The following POLDIP3 variants were observed in gnomAD, a reference collection of about 807,000 sequenced individuals.
POLDIP3 encodes DNA polymerase delta interacting protein 3.
POLDIP3 carries 14 observed loss-of-function variants against 45.1 expected under a neutral mutation model. The observed-to-expected ratio is 0.31, with a 90% CI of 0.20 to 0.49. The LOEUF (loss-of-function observed/expected upper bound fraction) is 0.49. Ranked by LOEUF, POLDIP3 falls within the 20% of genes least tolerant of loss-of-function variation. The pLI is 0.99. For missense variants in POLDIP3, 511 were observed against 538.8 expected (o/e 0.95, Z 0.51); for synonymous variants, 223 against 205.2 (o/e 1.09, Z -0.74).
intron 1 of POLDIP3, among the ~76,000 whole-genome samples, chr22:42,606,792 G>A (rs544123110): frequency 6.6e-6 from 1 of 152,206 alleles, no homozygotes; most frequent in African/African-American, 2.4e-5. Context: ...CCGTGAATCA[G>A]GTTATTGTTC....
chr22:42,599,086 A>C lies in POLDIP3; in HGVS notation c.633+612T>G, dbSNP rs574528921. ...TACGAAGCATGCAGAATGGCCAGCC[A>C]CCAAGGAAAGAACACAGACTCCCCA... is the stretch of plus-strand genomic sequence containing the variant. On this transcript the variant is annotated intron_variant, in intron 4 of 8. Coordinates refer to ENST00000252115, the MANE Select transcript of POLDIP3 (RefSeq NM_032311.5). Among the ~76,000 whole-genome samples the C allele has an allele frequency of 8.5e-5, 13 of 152,338 alleles. 1 individual carries two copies. In the South Asian group the frequency reaches 2.5e-3, roughly 29 times the overall value.
chr22:42,592,347 T>C (rs1925719430), intron 6 of POLDIP3, among the ~76,000 whole-genome samples: 2 of 152,234 alleles, frequency 1.3e-5, no homozygotes, highest in Non-Finnish European at 2.9e-5. Context: ...ACCACCAAAG[T>C]CTTCAGTGCC....
In POLDIP3 at chr22:42,595,599, A is replaced by G. The variant is rs765876214; in HGVS notation, c.829T>C (p.Leu277=). 15 of 1,613,812 alleles carry G rather than the reference A, an allele frequency of 9.3e-6. No individual in the cohort carries two copies. The highest frequency in any genetic ancestry group is 2.7e-5 in the African/African-American group (2 of 74,920). Residue 277 remains leucine (L), a synonymous_variant, in exon 6 of 9, where the codon TTG becomes CTG. Transcript: ENST00000252115. ...LPAAEPVLSP[L]EGTKMTVNNL... is the part of the protein sequence containing the mutation. ...TTCACAGTCATCTTGGTGCCTTCCAATGGGCTGAGAACAGGCTGCCACACA... is the reference window on the plus strand; with the variant it reads ...TTCACAGTCATCTTGGTGCCTTCCAGTGGGCTGAGAACAGGCTGCCACACA...
At chr22:42,596,743 G>C (rs1157572725) in intron 4 of POLDIP3, among the ~76,000 whole-genome samples, 1 of 152,064 alleles carries the variant, frequency 6.6e-6, no homozygotes, top group Non-Finnish European at 1.5e-5. Flanking sequence ...GCTTGGCCAG[G>C]CATAGTGGAT....
intron 1 of POLDIP3, among the ~76,000 whole-genome samples, chr22:42,613,664 G>A (rs1173796926): frequency 6.6e-6 from 1 of 152,168 alleles, no homozygotes; most frequent in Non-Finnish European, 1.5e-5. Context: ...GGGAGGCTGA[G>A]GCAGGAGAAT....
At chr22:42,612,559 T>C (rs1388188881) in intron 1 of POLDIP3, among the ~76,000 whole-genome samples, 3 of 152,228 alleles carry the variant, frequency 2.0e-5, no homozygotes, top group South Asian at 2.1e-4. Context: ...CCCGGCGCAG[T>C]GTCTCATGCT....
In POLDIP3 at chr22:42,587,614, C is replaced by T. The variant is rs200986145; in HGVS notation, c.1022-42G>A. 273 of 1,557,452 alleles carry T rather than the reference C, an allele frequency of 1.8e-4. 1 individual carries two copies. The highest frequency in any genetic ancestry group is 1.9e-4 in the Non-Finnish European group (209 of 1,128,668). On this transcript the variant is annotated intron_variant, in intron 7 of 8. Coordinates refer to ENST00000252115, the MANE Select transcript of POLDIP3 (RefSeq NM_032311.5). The stretch of plus-strand genomic sequence containing the variant: ...AGAAAAAGGCTCTGCTATGAGACCT[C>T]GGCTCCTCACACAAGAGGACAAGGG...
intron 1 of POLDIP3, among the ~76,000 whole-genome samples, chr22:42,610,855 G>A (rs1927077294): frequency 1.3e-5 from 2 of 152,176 alleles, no homozygotes; most frequent in African/African-American, 4.8e-5. Context: ...GGAGTGAGCT[G>A]TGATCTTGCC....
intron 4 of POLDIP3, among the ~76,000 whole-genome samples, 158 bp downstream of exon 4, chr22:42,599,540 G>A (rs572636252): frequency 9.9e-5 from 15 of 152,198 alleles, no homozygotes; most frequent in Non-Finnish European, 1.6e-4. Flanking sequence ...GGAGACGGAG[G>A]TTGCAGTGAG....
At chr22:42,602,256 G>A (rs1376129806) in intron 2 of POLDIP3, 200 bp from the exon 3 acceptor site, 5 of 816,796 alleles carry the variant, frequency 6.1e-6, no homozygotes, top group Non-Finnish European at 9.3e-6. Context: ...GCACATGTAG[G>A]GCTTAATGGA....
chr22:42,596,420 A>C, intron 4 of POLDIP3, 55 bp from the exon 5 acceptor site: 2 of 1,538,594 alleles, frequency 1.3e-6, no homozygotes, highest in Non-Finnish European at 1.8e-6. Flanking sequence ...TGTTCTGAAG[A>C]AGCCCCAAGA....
chr22:42,607,258 C>CGCA (rs1323269189), intron 1 of POLDIP3, among the ~76,000 whole-genome samples: 2 of 152,230 alleles, frequency 1.3e-5, no homozygotes, highest in Non-Finnish European at 2.9e-5. Context: ...ATTGCAGGCG[C>CGCA]GCACCGCCAT....
intron 1 of POLDIP3, among the ~76,000 whole-genome samples, chr22:42,612,549 C>G (rs2146841135): frequency 6.6e-6 from 1 of 152,320 alleles, no homozygotes; most frequent in Admixed American, 6.5e-5. Context: ...TACCTTCTGG[C>G]CCGGCGCAGT....
intron 3 of POLDIP3, among the ~76,000 whole-genome samples, chr22:42,600,076 T>C (rs530565162): frequency 6.6e-6 from 1 of 152,300 alleles, no homozygotes; most frequent in African/African-American, 2.4e-5. Context: ...TTTCTTTATA[T>C]CCTTTGGCTT....
intron 7 of POLDIP3, among the ~76,000 whole-genome samples, chr22:42,588,869 G>C (rs997455293): frequency 1.3e-5 from 2 of 152,090 alleles, no homozygotes; most frequent in African/African-American, 4.8e-5. Flanking sequence ...CAGGTGATCC[G>C]CCTGGCGGAT....
At chr22:42,608,449 A>C (rs578201992) in intron 1 of POLDIP3, among the ~76,000 whole-genome samples, 15 of 152,112 alleles carry the variant, frequency 9.9e-5, no homozygotes, top group East Asian at 7.7e-4. Context: ...CAAAACAAAA[A>C]AAAACCACCA....
intron 7 of POLDIP3, among the ~76,000 whole-genome samples, chr22:42,591,098 A>T (rs918236797): frequency 1.2e-3 from 189 of 151,368 alleles, no homozygotes; most frequent in African/African-American, 4.4e-3. Context: ...AAAATAATAA[A>T]AAATAAAAAT....
chr22:42,589,505 C>T (rs1380996155), intron 7 of POLDIP3, among the ~76,000 whole-genome samples: 2 of 151,932 alleles, frequency 1.3e-5, no homozygotes, highest in Non-Finnish European at 2.9e-5. Context: ...GTGAAAGGAA[C>T]AGACCAACAG....
rs117293365 is a variant in POLDIP3 at position 42,610,803 on chromosome 22, G to T, written c.59+3996C>A. 7.2e-5 allele frequency among the ~76,000 whole-genome samples: 11 copies of T among 152,328 alleles called. No homozygotes were observed. In the East Asian group the frequency reaches 2.1e-3, roughly 29 times the overall value. ...TGCCTGTGGTCCCAGCTACCTGGTAGGCTGAGGCAGGAAGACTGCTTAAGC... is the reference window on the plus strand; with the variant it reads ...TGCCTGTGGTCCCAGCTACCTGGTATGCTGAGGCAGGAAGACTGCTTAAGC... On this transcript the variant is annotated intron_variant, in intron 1 of 8. Transcript: ENST00000252115.
Sources: gnomAD v4.1 joint callset for allele counts (sites outside exome capture counted in the v4.1 genomes callset) on GRCh38, gnomAD v4.1.1 for gene constraint, MANE v1.5 for transcripts, NCBI Gene and HGNC (gene_info 2026-07-23, HGNC 2026-07-21) for gene names.